The following DMD variants were observed in gnomAD, a reference collection of about 807,000 sequenced individuals.
DMD encodes mutant dystrophin.
In DMD, 63 loss-of-function variants were observed where a neutral mutation model predicts 330.1. The ratio of observed to expected loss-of-function variants is 0.19; its 90% CI spans 0.16 to 0.24. DMD has a LOEUF of 0.24. Among genes scored for constraint, DMD ranks in the 10% least tolerant of loss-of-function variants. The probability of loss-of-function intolerance (pLI) is 1.00; values close to 1 mark genes in which losing one functional copy is unlikely to be tolerated. For missense variants in DMD, 3,344 were observed against 2,684.1 expected, an observed-to-expected ratio of 1.25 and a Z score of -5.43; for synonymous variants, 1,223 against 959.8, an observed-to-expected ratio of 1.27 and a Z score of -5.07.
chrX:32,267,984 CAAGT>C (rs1209391808), intron 43 of DMD, among the ~76,000 whole-genome samples: 2 of 111,936 alleles, frequency 1.8e-5, no homozygotes, highest in South Asian at 3.7e-4. Context: ...AAAGATTAAA[CAAGT>C]AAGTCAATAA....
Position 31,146,108 on chromosome X carries a change from T to C in DMD, c.10921+183A>G, listed in dbSNP as rs7066986. On this transcript the variant is annotated intron_variant, in intron 76 of 78. Coordinates refer to ENST00000357033, the MANE Select transcript of DMD (RefSeq NM_004006.3). ...CTATACAAGTTTTCTGTGGGCCAGA[T>C]AGAGCTGCCAGAATACACCTTTTTA... 0.093 allele frequency among the ~76,000 whole-genome samples: 10,477 copies of C among 112,668 alleles called. 972 individuals carry two copies. The highest frequency in any genetic ancestry group is 0.29 in the African/African-American group (9,057 of 30,876).
rs973859145 is a variant in DMD, at chrX:32,254,261, C to CT, written c.6290+33267dup. On this transcript the variant is annotated intron_variant, in intron 43 of 78. Transcript: ENST00000357033. ...TTCACCATGTTGGCTGGGCTGGACT[C>CT]TAACTCCTGGCCTCAAGTGATCTGC... 2.7e-5 allele frequency among the ~76,000 whole-genome samples: 3 copies of CT among 111,471 alleles called. No individual in the cohort carries two copies. In the Admixed American group the frequency reaches 2.9e-4, roughly 11 times the overall value.
chrX:31,765,170 A>T (rs932275307), intron 51 of DMD, among the ~76,000 whole-genome samples: 3 of 111,609 alleles, frequency 2.7e-5, no homozygotes, highest in Non-Finnish European at 3.8e-5. Context: ...CAAGTTATTG[A>T]ATAAAAATCA....
intron 2 of DMD, among the ~76,000 whole-genome samples, chrX:32,909,059 G>T (rs1438647358): frequency 2.8e-5 from 3 of 108,241 alleles, no homozygotes; most frequent in Non-Finnish European, 3.8e-5. Context: ...TTAATTTAAG[G>T]TGACCCTGGT....
intron 9 of DMD, among the ~76,000 whole-genome samples, chrX:32,691,516 T>G (rs184553588): frequency 2.7e-5 from 3 of 111,334 alleles, no homozygotes; most frequent in Non-Finnish European, 3.8e-5. Context: ...AAAAATGGAT[T>G]AGTAAGGATG....
chrX:32,599,187 T>C (rs151099072), intron 12 of DMD, among the ~76,000 whole-genome samples: 10 of 112,076 alleles, frequency 8.9e-5, no homozygotes, highest in African/African-American at 2.9e-4. Context: ...AAATAAATAT[T>C]AGTGAATATA....
At chrX:32,830,905 C>A (rs1402219632) in intron 4 of DMD, among the ~76,000 whole-genome samples, 2 of 111,245 alleles carry the variant, frequency 1.8e-5, no homozygotes, top group Non-Finnish European at 3.8e-5. Context: ...TTACAATAAG[C>A]AGTCTGTAAG....
chrX:32,037,806 C>T (rs776272567), intron 44 of DMD, among the ~76,000 whole-genome samples: 4 of 111,713 alleles, frequency 3.6e-5, no homozygotes, highest in East Asian at 5.6e-4. Flanking sequence ...ATTGAATCTC[C>T]AGTATTCTAG....
chrX:31,315,293 A>G (rs1305306523), intron 62 of DMD, among the ~76,000 whole-genome samples: 1 of 112,596 alleles, frequency 8.9e-6, no homozygotes. Context: ...AGTATCTAAT[A>G]GAGGTCAATA....
intron 44 of DMD, among the ~76,000 whole-genome samples, chrX:32,117,638 G>A (rs967144162): frequency 5.3e-5 from 6 of 112,294 alleles, no homozygotes; most frequent in African/African-American, 1.3e-4. Flanking sequence ...GTTCATGAAT[G>A]CATATGGGAG....
At chrX:33,116,523 A>G (rs1011309744) in intron 1 of DMD, among the ~76,000 whole-genome samples, 1 of 111,557 alleles carries the variant, frequency 9.0e-6, no homozygotes, top group East Asian at 2.8e-4. Flanking sequence ...TGAGGTATTT[A>G]CAAAGAAATA....
At chrX:32,819,340 A>T (rs757730622) in intron 5 of DMD, among the ~76,000 whole-genome samples, 7 of 110,943 alleles carry the variant, frequency 6.3e-5, no homozygotes, top group Non-Finnish European at 1.1e-4. Context: ...GTTGCCATTA[A>T]GTACATCCCT....
chrX:33,315,779 A>G lies in DMD; in HGVS notation c.7+23480T>C, dbSNP rs765877052. Among the ~76,000 whole-genome samples, 3 of 112,059 alleles carry G rather than the reference A, an allele frequency of 2.7e-5. No homozygotes were observed. In the Admixed American group the frequency reaches 2.8e-4, roughly 11 times the overall value. On this transcript the variant is annotated intron_variant, in intron 1 of 17. Transcript: ENST00000288447. ...TAAATTTCGCCATATAAGGCAACAT[A>G]TTCATAGCTTCCTAAGATTAGAACA...
rs757016713 is a variant in DMD, at chrX:33,074,413, A to G, written c.32-54213T>C. Among the ~76,000 whole-genome samples, 630 of 86,763 alleles carry G rather than the reference A, an allele frequency of 7.3e-3. 2 individuals carry two copies. Among genetic ancestry groups the G allele is most frequent in the Middle Eastern group, 0.027 (4 of 149 alleles). 75.3% of individuals were successfully genotyped at this position (86,763 alleles called of 115,157 possible). ...TGGCTCAAGTTTTTCTTTTAACACT[A>G]TATTTTTTTTTTTTGTCTTTTAGCA... On this transcript the variant is annotated intron_variant, in intron 1 of 78. Coordinates refer to ENST00000357033, the MANE Select transcript of DMD (RefSeq NM_004006.3).
chrX:32,795,252 G>T (rs1223844002), intron 7 of DMD, among the ~76,000 whole-genome samples: 1 of 112,048 alleles, frequency 8.9e-6, no homozygotes, highest in African/African-American at 3.2e-5. Context: ...AAACAGCAAG[G>T]TGTTAGAATA....
intron 24 of DMD, among the ~76,000 whole-genome samples, chrX:32,464,050 C>A (rs5972578): frequency 9.0e-6 from 1 of 110,936 alleles, no homozygotes; most frequent in Admixed American, 9.6e-5. Flanking sequence ...TGTTTTCTTC[C>A]TGCTGCATGA....
chrX:32,365,186 T>C lies in DMD; in HGVS notation c.4859A>G (p.Glu1620Gly), dbSNP rs2147261386. The change falls in exon 35 of 79, where the codon GAG becomes GGG. Residue 1620 changes from glutamate to glycine, a missense_variant. Physicochemically the swap from Glu to Gly is moderately conservative, Grantham distance 98. Coordinates refer to ENST00000357033, the MANE Select transcript of DMD (RefSeq NM_004006.3). ...EVAWGKATQK[E>G]IEKQKVHLKS... ...CAGGTGCACCTTCTGTTTCTCAATC[T>C]CTTTTTGAGTAGCCTGTGAAAAGGA... is the stretch of plus-strand genomic sequence containing the variant. 5 of 1,210,490 alleles carry C rather than the reference T, an allele frequency of 4.1e-6. No homozygotes were observed. In the East Asian group the frequency reaches 1.5e-4, roughly 36 times the overall value.
chrX:31,810,567 A>C (rs943713084), intron 50 of DMD, among the ~76,000 whole-genome samples: 4 of 111,987 alleles, frequency 3.6e-5, no homozygotes, highest in Non-Finnish European at 7.5e-5. Context: ...TACGCTTCTA[A>C]GATTGCTTCT....
rs760701669 is a variant in DMD at position 32,216,764 on chromosome X, C to T, written c.6438+152G>A. On this transcript the variant is annotated intron_variant, in intron 44 of 78. Transcript: ENST00000357033. ...CCATAGCACCGTGCTCTAATATTAT[C>T]ATTATGATAATTTTCTTTCTAGTAA... 276 of 523,268 alleles carry T rather than the reference C, an allele frequency of 5.3e-4. 1 individual carries two copies. Among genetic ancestry groups the T allele is most frequent in the Non-Finnish European group, 8.3e-4 (261 of 313,399 alleles). The allele number at this position is 523,268 out of a possible 1,213,427, so 43.1% of individuals were successfully genotyped here.
Sources: allele counts gnomAD v4.1 joint callset (sites outside exome capture counted in the v4.1 genomes callset), GRCh38; gene constraint gnomAD v4.1.1; transcripts MANE v1.5; gene names NCBI Gene and HGNC (gene_info 2026-07-23, HGNC 2026-07-21).